The following PDE8B variants were observed in gnomAD, a reference collection of about 807,000 sequenced individuals.
PDE8B encodes phosphodiesterase 8B.
A neutral mutation model predicts 101.3 loss-of-function variants in PDE8B; 26 were observed. That is an observed-to-expected ratio of 0.26 (90% CI 0.19 to 0.36). PDE8B has a LOEUF of 0.36. PDE8B is among the 10% of genes least tolerant of loss of function. The probability of loss-of-function intolerance (pLI) is 1.00; values close to 1 mark genes in which losing one functional copy is unlikely to be tolerated. For synonymous variants in PDE8B, 424 were observed against 429.3 expected (o/e 0.99, Z 0.15); for missense variants, 810 against 1,163.1 (o/e 0.70, Z 4.42).
At chr5:77,309,943 C>CTTTTTTTTT (rs955296324) in intron 1 of PDE8B, among the ~76,000 whole-genome samples, 51 of 114,142 alleles carry the variant, frequency 4.5e-4, no homozygotes, top group African/African-American at 9.2e-4. Context: ...AATCATTAAT[C>CTTTTTTTTT]TTTTTTTTTT....
chr5:77,141,920 G>A, the PDE8B span: 1 of 152,170 alleles, frequency 6.6e-6, no homozygotes, highest in East Asian at 1.9e-4. Context: ...CCATTAGAAG[G>A]AATGGATTGT....
chr5:77,167,802 A>G, the PDE8B span, among the ~76,000 whole-genome samples: 4 of 152,012 alleles, frequency 2.6e-5, no homozygotes, highest in African/African-American at 9.7e-5. Flanking sequence ...CCCAGAAAAC[A>G]CCCAGCCCAG....
intron 1 of PDE8B, among the ~76,000 whole-genome samples, chr5:77,310,595 T>A (rs1356627757): frequency 6.6e-6 from 1 of 152,188 alleles, no homozygotes; most frequent in Admixed American, 6.5e-5. Context: ...AGCCTCCAGT[T>A]GGTTTTCATT....
intron 10 of PDE8B, among the ~76,000 whole-genome samples, chr5:77,396,214 G>A (rs377530651): frequency 6.6e-6 from 1 of 152,176 alleles, no homozygotes; most frequent in African/African-American, 2.4e-5. Context: ...CAGTTACTTG[G>A]GTTTTGCCCT....
chr5:77,364,862 C>T (rs1011839250), intron 10 of PDE8B, among the ~76,000 whole-genome samples: 2 of 152,112 alleles, frequency 1.3e-5, no homozygotes, highest in African/African-American at 2.4e-5. Context: ...CACGGGGGAG[C>T]CTGCTCTCAA....
intron 1 of PDE8B, among the ~76,000 whole-genome samples, chr5:77,270,979 C>T (rs1383195109): frequency 6.6e-6 from 1 of 152,138 alleles, no homozygotes; most frequent in Non-Finnish European, 1.5e-5. Context: ...ATTAAGGCAG[C>T]TCTGGGGGTA....
chr5:77,280,545 G>C (rs1042087135), intron 1 of PDE8B, among the ~76,000 whole-genome samples: 5 of 152,248 alleles, frequency 3.3e-5, no homozygotes, highest in Admixed American at 1.3e-4. Flanking sequence ...CAAATTGCTG[G>C]AAGTTTCTAA....
chr5:77,135,332 A>G, the PDE8B span, among the ~76,000 whole-genome samples: 3 of 152,210 alleles, frequency 2.0e-5, no homozygotes, highest in African/African-American at 7.2e-5. Flanking sequence ...TCATCTTGAC[A>G]TCTAAGAGGA....
At position 77,407,439 on chromosome 5, in the gene PDE8B, C is replaced by T. The variant is rs777128035; in HGVS notation, c.1347C>T (p.Ile449=). 25 of 1,613,616 alleles carry T rather than the reference C, an allele frequency of 1.5e-5. No individual in the cohort carries two copies. Among genetic ancestry groups the T allele is most frequent in the Middle Eastern group, 3.3e-4 (2 of 6,062 alleles). The part of the protein sequence containing the change: ...PSMARIHSMT[I]EAPITKVINI... ...TGGCGAGGATCCACTCCATGACCAT[C>T]GAGGCTCCCATCACAAAGGTGAGTG... Residue 449 remains isoleucine (I), a synonymous_variant, in exon 13 of 22, where the codon ATC becomes ATT. Coordinates refer to ENST00000264917, the MANE Select transcript of PDE8B (RefSeq NM_003719.5).
the PDE8B span, chr5:77,180,468 C>A: frequency 2.1e-5 from 21 of 985,376 alleles, no homozygotes; most frequent in Non-Finnish European, 2.5e-5. Flanking sequence ...AGCTGTACTG[C>A]CCACCGAGCG....
At chr5:77,421,510 ACTG>A (rs2151187312) in intron 19 of PDE8B, among the ~76,000 whole-genome samples, 1 of 152,184 alleles carries the variant, frequency 6.6e-6, no homozygotes, top group African/African-American at 2.4e-5. Flanking sequence ...TAAAAACAAA[ACTG>A]CTGTAGCAGT....
At chr5:77,198,906 A>G in the PDE8B span, among the ~76,000 whole-genome samples, 13 of 152,152 alleles carry the variant, frequency 8.5e-5, no homozygotes, top group Non-Finnish European at 7.4e-5. Context: ...TGTGAGAACT[A>G]TACTGCATTG....
At chr5:77,229,731 A>C (rs1753164985) in intron 1 of PDE8B, among the ~76,000 whole-genome samples, 1 of 152,162 alleles carries the variant, frequency 6.6e-6, no homozygotes. Flanking sequence ...AGTTAGCATG[A>C]TGTTTCATGG....
the PDE8B span, chr5:77,151,398 T>G: frequency 6.6e-6 from 1 of 152,184 alleles, no homozygotes; most frequent in South Asian, 2.1e-4. Context: ...CTATTGAGAC[T>G]CAGGGATTTT....
intron 10 of PDE8B, among the ~76,000 whole-genome samples, chr5:77,378,009 T>TAG (rs1554093058): frequency 7.4e-6 from 1 of 134,392 alleles, no homozygotes; most frequent in Non-Finnish European, 1.6e-5. Flanking sequence ...CCTCTCTCTC[T>TAG]ACACACACAC....
At chr5:77,294,411 G>A (rs1451044670) in intron 1 of PDE8B, among the ~76,000 whole-genome samples, 1 of 152,132 alleles carries the variant, frequency 6.6e-6, no homozygotes, top group East Asian at 1.9e-4. Flanking sequence ...GAACACATTC[G>A]CTTAAAGTGG....
At chr5:77,233,654 C>CTGTGTGTGTGTGTGTGTGTG in intron 1 of PDE8B, among the ~76,000 whole-genome samples, 1 of 138,338 alleles carries the variant, frequency 7.2e-6, no homozygotes, top group Admixed American at 7.1e-5. Flanking sequence ...CCCTGAAGCT[C>CTGTGTGTGTGTGTGTGTGTG]TGTGTGTGTG....
At chr5:77,264,146 C>T (rs549740315) in intron 1 of PDE8B, among the ~76,000 whole-genome samples, 2 of 152,282 alleles carry the variant, frequency 1.3e-5, no homozygotes, top group African/African-American at 4.8e-5. Flanking sequence ...AATTATTTTC[C>T]ATTTAATGGA....
the PDE8B span, among the ~76,000 whole-genome samples, chr5:77,177,261 C>G: frequency 1.3e-5 from 2 of 152,132 alleles, no homozygotes; most frequent in Admixed American, 6.5e-5. Context: ...TACAGTATCC[C>G]CCCCTTATCC....
Sources: allele counts gnomAD v4.1 joint callset (sites outside exome capture counted in the v4.1 genomes callset), GRCh38; gene constraint gnomAD v4.1.1; transcripts MANE v1.5; gene names NCBI Gene and HGNC (gene_info 2026-07-23, HGNC 2026-07-21).